Variants in SYCP2 observed in about 807,000 individuals in gnomAD.
The protein encoded by SYCP2 is synaptonemal complex protein 2.
SYCP2 carries 55 observed loss-of-function variants against 211.3 expected under a neutral mutation model. The observed-to-expected ratio is 0.26, with a 90% CI of 0.21 to 0.33. SYCP2 has a LOEUF of 0.33. SYCP2 is among the 10% of genes least tolerant of loss of function. The pLI is 1.00. For missense variants in SYCP2, 1,731 were observed against 1,752.0 expected (o/e 0.99, Z 0.21); for synonymous variants, 570 against 555.2 (o/e 1.03, Z -0.37).
intron 15 of SYCP2, among the ~76,000 whole-genome samples, chr20:59,906,147 C>T (rs2060209440): frequency 6.6e-6 from 1 of 151,994 alleles, no homozygotes; most frequent in African/African-American, 2.4e-5. Context: ...TTATTTCTCC[C>T]CATATTGATC....
chr20:59,903,386 C>G (rs1369886482), intron 15 of SYCP2, among the ~76,000 whole-genome samples: 1 of 151,976 alleles, frequency 6.6e-6, no homozygotes, highest in Non-Finnish European at 1.5e-5. Context: ...TCAAAATTAG[C>G]TATGAATGGG....
chr20:59,898,686 T>A (rs1251246006), intron 18 of SYCP2, among the ~76,000 whole-genome samples: 1 of 152,104 alleles, frequency 6.6e-6, no homozygotes, highest in Non-Finnish European at 1.5e-5. Context: ...GTTCTGCACA[T>A]GTATCCCAGA....
chr20:59,878,175 C>A, intron 31 of SYCP2, 130 bp from the exon 32 acceptor site: 1 of 654,880 alleles, frequency 1.5e-6, no homozygotes, highest in Non-Finnish European at 2.4e-6. Context: ...CATGTGTTAG[C>A]ATTTAATAAG....
At position 59,869,965 on chromosome 20, in the gene SYCP2, T is replaced by C; in HGVS notation, c.3574A>G (p.Lys1192Glu). The C allele has an allele frequency of 6.3e-7, 1 of 1,598,160 alleles. No individual in the cohort carries two copies. The highest frequency in any genetic ancestry group is 8.5e-7 in the Non-Finnish European group (1 of 1,171,116). Residue 1192 changes from lysine to glutamate, a missense_variant, in exon 36 of 45, where the codon AAG becomes GAG. Lys to Glu is a moderately conservative substitution (Grantham distance 56). This residue lies in a region of SYCP2 where 1,387 missense variants were observed against 1,351.3 expected (regional missense o/e 1.03). Transcript: ENST00000357552. Reference sequence around the variant, plus strand: ...TTTCTATTTACAATAGTATTACTCTTAGTTGGAGTATGTCTGGGCTATGAA... The same window carrying C: ...TTTCTATTTACAATAGTATTACTCTCAGTTGGAGTATGTCTGGGCTATGAA... ...PLFLPRHTPT[K>E]SNTIVNRKKI...
chr20:59,912,827 C>T (rs1568971299), intron 12 of SYCP2, among the ~76,000 whole-genome samples: 1 of 152,174 alleles, frequency 6.6e-6, no homozygotes, highest in South Asian at 2.1e-4. Context: ...GTAACTCTCA[C>T]GAGATCTGAT....
At chr20:59,885,831 G>A (rs1040728896) in intron 26 of SYCP2, 97 bp downstream of exon 26, 12 of 909,084 alleles carry the variant, frequency 1.3e-5, no homozygotes, top group South Asian at 4.6e-5. Context: ...TGAAAACATC[G>A]TATCAAATTC....
chr20:59,904,536 A>G (rs1182887653), intron 15 of SYCP2, among the ~76,000 whole-genome samples: 1 of 152,178 alleles, frequency 6.6e-6, no homozygotes, highest in East Asian at 1.9e-4. Context: ...GCCTAAGAAG[A>G]AAAAAGAAAC....
At chr20:59,925,071 G>A (rs1383104817) in intron 2 of SYCP2, among the ~76,000 whole-genome samples, 1 of 152,012 alleles carries the variant, frequency 6.6e-6, no homozygotes, top group African/African-American at 2.4e-5. Flanking sequence ...ACATCTTCAT[G>A]ACCTGCAATA....
intron 44 of SYCP2, among the ~76,000 whole-genome samples, chr20:59,865,042 T>C (rs1329922011): frequency 6.6e-6 from 1 of 152,008 alleles, no homozygotes; most frequent in Non-Finnish European, 1.5e-5. Flanking sequence ...CTACAGACTT[T>C]CTGGGAGTTT....
At chr20:59,864,794 G>A (rs534342959) in intron 44 of SYCP2, among the ~76,000 whole-genome samples, 2 of 152,098 alleles carry the variant, frequency 1.3e-5, no homozygotes, top group African/African-American at 2.4e-5. Flanking sequence ...ATCTTTGTAA[G>A]TACATTAATA....
At chr20:59,885,776 T>C (rs2059776018) in intron 26 of SYCP2, 152 bp downstream of exon 26, 2 of 655,636 alleles carry the variant, frequency 3.1e-6, no homozygotes, top group East Asian at 3.0e-5. Flanking sequence ...TTTTGAGTAC[T>C]TGCTATTAAA....
chr20:59,919,307 T>C (rs1221989936), intron 6 of SYCP2, 125 bp from the exon 7 acceptor site: 2 of 670,368 alleles, frequency 3.0e-6, no homozygotes. Flanking sequence ...CATAATTACT[T>C]TTTATTAACT....
At chr20:59,925,597 A>G (rs543111446) in intron 2 of SYCP2, among the ~76,000 whole-genome samples, 11 of 152,176 alleles carry the variant, frequency 7.2e-5, no homozygotes, top group African/African-American at 2.6e-4. Flanking sequence ...TTGGCACCTC[A>G]GCCTATTTAA....
rs759061567 is a variant in SYCP2 at position 59,892,275 on chromosome 20, G to A, written c.2079C>T (p.His693=). 11 of 1,612,390 alleles carry A rather than the reference G, an allele frequency of 6.8e-6. No homozygotes were observed. Among genetic ancestry groups the A allele is most frequent in the Admixed American group, 1.7e-5 (1 of 59,848 alleles). ...DKAEVEVCKK[H]NQQQNHPKYS... is the part of the protein sequence containing the mutation. ...ATTTAGGATGATTTTGTTGCTGATT[G>A]TGTTTCTTGCAAACTTCTACTTCTG... Residue 693 remains histidine, a synonymous_variant, in exon 24 of 45, where the codon CAC becomes CAT. Transcript: ENST00000357552.
At chr20:59,932,883 T>C (rs967516020) in intron 1 of SYCP2, among the ~76,000 whole-genome samples, 7 of 152,172 alleles carry the variant, frequency 4.6e-5, no homozygotes, top group South Asian at 2.1e-4. Context: ...GAGAAGGGAC[T>C]GAAGGCGCCG....
intron 26 of SYCP2, among the ~76,000 whole-genome samples, chr20:59,885,599 A>G (rs1301322843): frequency 6.6e-6 from 1 of 152,254 alleles, no homozygotes; most frequent in South Asian, 2.1e-4. Flanking sequence ...CTTCAGTAGG[A>G]TCTAATTGTT....
chr20:59,864,919 TC>T (rs1414156064), intron 44 of SYCP2, among the ~76,000 whole-genome samples: 2 of 151,946 alleles, frequency 1.3e-5, no homozygotes, highest in Non-Finnish European at 2.9e-5. Context: ...CATCCACATT[TC>T]CCCCCAGAAT....
chr20:59,872,633 G>A (rs974236181), intron 35 of SYCP2, among the ~76,000 whole-genome samples: 1 of 151,864 alleles, frequency 6.6e-6, no homozygotes, highest in Non-Finnish European at 1.5e-5. Context: ...GCATCTATTG[G>A]GGGGGTCTTG....
At chr20:59,915,064 TC>T (rs2060411338) in intron 10 of SYCP2, 100 bp downstream of exon 10, 1 of 773,764 alleles carries the variant, frequency 1.3e-6, no homozygotes, top group Non-Finnish European at 2.2e-6. Flanking sequence ...TGTTTATAAT[TC>T]CCTCAGTCTC....
Sources: allele counts gnomAD v4.1 joint callset (sites outside exome capture counted in the v4.1 genomes callset), GRCh38; gene constraint gnomAD v4.1.1; regional missense constraint gnomAD v4.1.1; transcripts MANE v1.5; gene names NCBI Gene and HGNC (gene_info 2026-07-23, HGNC 2026-07-21).